Variants in NEK10 observed in about 807,000 individuals in gnomAD.
The protein encoded by NEK10 is NIMA related kinase 10, also known as serine/threonine-protein kinase Nek10.
Under a neutral mutation model 159.8 loss-of-function variants are expected in NEK10, and 122 were observed. The observed-to-expected ratio is 0.76, with a 90% CI of 0.66 to 0.89. NEK10 has a LOEUF of 0.89. Among genes scored for constraint, NEK10 ranks in the 40% least tolerant of loss-of-function variants. The pLI is 0.00. For missense variants in NEK10, 1,342 were observed against 1,323.1 expected (o/e 1.01, Z -0.22); for synonymous variants, 466 against 457.1 (o/e 1.02, Z -0.25).
chr3:27,300,336 C>A (rs1448607434), intron 13 of NEK10, among the ~76,000 whole-genome samples: 7 of 152,206 alleles, frequency 4.6e-5, no homozygotes, highest in Non-Finnish European at 1.0e-4. Flanking sequence ...TGCCTGCCAT[C>A]ATCCACGTAA....
chr3:27,297,312 TC>T, intron 13 of NEK10, 72 bp from the exon 14 acceptor site: 1 of 957,428 alleles, frequency 1.0e-6, no homozygotes, highest in Non-Finnish European at 1.7e-6. Flanking sequence ...ATACTCTTAC[TC>T]CACAGGGTAT....
chr3:27,256,449 C>A, intron 22 of NEK10, 78 bp from the exon 23 acceptor site: 1 of 718,352 alleles, frequency 1.4e-6, no homozygotes, highest in South Asian at 2.4e-5. Flanking sequence ...TGACAATCTA[C>A]ACAATAACTA....
At chr3:27,247,763 C>T (rs1955218259) in intron 23 of NEK10, among the ~76,000 whole-genome samples, 1 of 151,536 alleles carries the variant, frequency 6.6e-6, no homozygotes, top group African/African-American at 2.4e-5. Context: ...TCTTAAACTC[C>T]TGCACTCAAG....
intron 25 of NEK10, among the ~76,000 whole-genome samples, chr3:27,199,232 G>T (rs1949830492): frequency 6.6e-6 from 1 of 152,062 alleles, no homozygotes; most frequent in Non-Finnish European, 1.5e-5. Flanking sequence ...GGTCTAATAT[G>T]CAGTTTCTAT....
intron 23 of NEK10, among the ~76,000 whole-genome samples, chr3:27,217,938 G>C (rs1174185882): frequency 6.6e-6 from 1 of 152,102 alleles, no homozygotes; most frequent in East Asian, 1.9e-4. Context: ...GATACAGTAA[G>C]AGATTAACAA....
intron 26 of NEK10, among the ~76,000 whole-genome samples, chr3:27,180,537 A>T (rs1232050098): frequency 1.3e-5 from 2 of 152,208 alleles, no homozygotes; most frequent in African/African-American, 4.8e-5. Context: ...AAACAATGTC[A>T]TTGAAATTTA....
At chr3:27,211,163 G>A (rs1462872684) in intron 23 of NEK10, among the ~76,000 whole-genome samples, 1 of 152,130 alleles carries the variant, frequency 6.6e-6, no homozygotes, top group Non-Finnish European at 1.5e-5. Flanking sequence ...AGGATCAGTG[G>A]ACATTGACAG....
intron 5 of NEK10, among the ~76,000 whole-genome samples, chr3:27,323,009 G>A (rs1160246069): frequency 6.6e-6 from 1 of 152,176 alleles, no homozygotes; most frequent in Non-Finnish European, 1.5e-5. Flanking sequence ...TTGGTGCTCA[G>A]TTTGGGAAAC....
At chr3:27,238,745 TCG>T (rs1491343787) in intron 23 of NEK10, among the ~76,000 whole-genome samples, 3 of 109,560 alleles carry the variant, frequency 2.7e-5, no homozygotes, top group East Asian at 3.6e-4. Flanking sequence ...ACCTCCCCTT[TCG>T]TGTGTGTGTG....
intron 1 of NEK10, among the ~76,000 whole-genome samples, chr3:27,365,610 G>GTTTT (rs71091129): frequency 0.02 from 1,937 of 98,994 alleles, 57 homozygotes; most frequent in East Asian, 0.062. Flanking sequence ...TTTTTTTTGT[G>GTTTT]TTTTTTTTTT....
chr3:27,214,457 C>T (rs1951296729), intron 23 of NEK10, among the ~76,000 whole-genome samples: 1 of 152,178 alleles, frequency 6.6e-6, no homozygotes, highest in Non-Finnish European at 1.5e-5. Flanking sequence ...AGTTTCCCTC[C>T]TCCTGTAAGC....
intron 30 of NEK10, among the ~76,000 whole-genome samples, chr3:27,161,069 G>A (rs1178780504): frequency 6.6e-6 from 1 of 152,148 alleles, no homozygotes; most frequent in Non-Finnish European, 1.5e-5. Context: ...CCAGAGATCT[G>A]ATCAGTGCCA....
intron 31 of NEK10, among the ~76,000 whole-genome samples, chr3:27,137,108 T>C (rs762757774): frequency 3.3e-5 from 5 of 152,218 alleles, no homozygotes; most frequent in Non-Finnish European, 5.9e-5. Context: ...TGTTTAGCAC[T>C]ATAAGTTAAA....
chr3:27,243,875 G>A (rs191322155), intron 23 of NEK10, among the ~76,000 whole-genome samples: 60 of 151,474 alleles, frequency 4.0e-4, no homozygotes, highest in Admixed American at 5.9e-4. Context: ...CTGTGTGTCC[G>A]TGTCCCCAAA....
At chr3:27,234,478 C>A (rs1186725752) in intron 23 of NEK10, among the ~76,000 whole-genome samples, 1 of 151,928 alleles carries the variant, frequency 6.6e-6, no homozygotes, top group African/African-American at 2.4e-5. Context: ...AACAATCAGG[C>A]CAATATCCAA....
chr3:27,253,513 C>T (rs1036541763), intron 23 of NEK10, among the ~76,000 whole-genome samples: 12 of 152,176 alleles, frequency 7.9e-5, no homozygotes, highest in Admixed American at 7.9e-4. Flanking sequence ...CCTTTACTGA[C>T]CTTCTGTTCT....
intron 33 of NEK10, 53 bp downstream of exon 33, chr3:27,119,707 C>A: frequency 1.5e-6 from 2 of 1,349,270 alleles, no homozygotes; most frequent in Non-Finnish European, 2.1e-6. Context: ...GCTGTTGATC[C>A]AAACAATATA....
At chr3:27,220,969 T>A (rs1341249086) in intron 23 of NEK10, among the ~76,000 whole-genome samples, 1 of 152,174 alleles carries the variant, frequency 6.6e-6, no homozygotes, top group Non-Finnish European at 1.5e-5. Context: ...GATACACACA[T>A]GCAAAAGGAT....
chr3:27,300,794 C>A (rs975312458), intron 13 of NEK10, among the ~76,000 whole-genome samples: 7 of 152,184 alleles, frequency 4.6e-5, no homozygotes, highest in Non-Finnish European at 8.8e-5. Context: ...AAACAGTAAA[C>A]CCCCAGCACA....
Sources: allele counts gnomAD v4.1 joint callset (sites outside exome capture counted in the v4.1 genomes callset), GRCh38; gene constraint gnomAD v4.1.1; transcripts MANE v1.5; gene names NCBI Gene and HGNC (gene_info 2026-07-23, HGNC 2026-07-21).